POGZ: variants seen among roughly 807,000 people sequenced by gnomAD.
POGZ encodes the protein pogo transposable element with ZNF domain.
Under a neutral mutation model 134.6 loss-of-function variants are expected in POGZ, and 17 were observed. The ratio of observed to expected loss-of-function variants is 0.13; its 90% confidence interval spans 0.09 to 0.19. The LOEUF (loss-of-function observed/expected upper bound fraction) is 0.19. Ranked by LOEUF, POGZ falls within the 10% of genes least tolerant of loss-of-function variation. POGZ has a pLI of 1.00. For missense variants in POGZ, 1,306 were observed against 1,769.7 expected (o/e 0.74, Z 4.70); for synonymous variants, 693 against 657.1 (o/e 1.05, Z -0.84).
chr1:151,455,174 T>C (rs1037513402), intron 1 of POGZ: 1 of 152,120 alleles, frequency 6.6e-6, no homozygotes, highest in Admixed American at 6.5e-5. Context: ...CCAAAGAATC[T>C]ATCAAAATGT....
chr1:151,414,558 G>A (rs781733509), intron 10 of POGZ, among the ~76,000 whole-genome samples: 5 of 152,196 alleles, frequency 3.3e-5, no homozygotes, highest in Non-Finnish European at 7.3e-5. Context: ...CAAGGCAGGC[G>A]GATCACCTGA....
Position 151,415,406 on chromosome 1 carries a change from C to T in POGZ, c.1679-3010G>A, listed in dbSNP as rs567140955. 4.1e-4 allele frequency among the ~76,000 whole-genome samples: 63 copies of T among 152,222 alleles called. No homozygotes were observed. In the South Asian group the frequency reaches 0.013, roughly 31 times the overall value. On this transcript the variant is annotated intron_variant, in intron 10 of 18. Coordinates refer to ENST00000271715, the MANE Select transcript of POGZ (RefSeq NM_015100.4). ...ATGGGCCGGGTGTGGTGGCTCACGC[C>T]TGTAATCCCAGCACTTTGGGAGGCC...
chr1:151,429,629 G>C lies in POGZ; in HGVS notation c.542C>G (p.Thr181Arg). The change falls in exon 5 of 19, where the codon ACG (threonine) becomes AGG (arginine). Residue 181 changes from threonine (T) to arginine (R), a missense_variant. By Grantham distance (71) the Thr-to-Arg change is moderately conservative. Around this residue, in one of 10 missense-constraint regions of POGZ, gnomAD observed 541 missense variants for 680.5 expected, o/e 0.80. Coordinates refer to ENST00000271715, the MANE Select transcript of POGZ (RefSeq NM_015100.4). ...TGGAACTAGTGTAATTGGTCTAACCGTTTGGCCTTGCTGTACGTTCAGCAC... is the reference window on the plus strand; with the variant it reads ...TGGAACTAGTGTAATTGGTCTAACCCTTTGGCCTTGCTGTACGTTCAGCAC... The part of the protein sequence containing the change: ...GIVLNVQQGQ[T>R]VRPITLVPAP... The C allele has an allele frequency of 6.2e-7, 1 of 1,606,216 alleles. No homozygotes were observed. Among genetic ancestry groups the C allele is most frequent in the Non-Finnish European group, 8.5e-7 (1 of 1,173,138 alleles).
At chr1:151,443,898 C>T (rs889292061) in intron 1 of POGZ, among the ~76,000 whole-genome samples, 1 of 152,114 alleles carries the variant, frequency 6.6e-6, no homozygotes, top group Non-Finnish European at 1.5e-5. Flanking sequence ...CTCTAAGTGT[C>T]CTTAGTGTCT....
intron 3 of POGZ, among the ~76,000 whole-genome samples, chr1:151,436,789 T>C (rs1008558494): frequency 3.9e-5 from 6 of 152,268 alleles, no homozygotes; most frequent in Non-Finnish European, 7.3e-5. Flanking sequence ...CTATAACAAA[T>C]GATACTGCTA....
In POGZ at chr1:151,459,407, A is replaced by C. The variant is rs1663245860; in HGVS notation, c.-257T>G. ...CCCGAGGGAGGGGGGTGGGGGGGCC[A>C]AGGAATGCGGCTCCGTGTACGGGAG... On this transcript the variant is annotated 5_prime_UTR_variant, in exon 1 of 19. Coordinates refer to ENST00000271715, the MANE Select transcript of POGZ (RefSeq NM_015100.4). 2 of 151,258 alleles carry C rather than the reference A, an allele frequency of 1.3e-5. No homozygotes were observed. The highest frequency in any genetic ancestry group is 2.0e-4 in the East Asian group (1 of 5,072). 9.4% of individuals were successfully genotyped at this position (151,258 alleles called of 1,614,324 possible).
intron 10 of POGZ, among the ~76,000 whole-genome samples, chr1:151,413,538 A>C (rs1393677041): frequency 6.6e-6 from 1 of 152,192 alleles, no homozygotes; most frequent in Non-Finnish European, 1.5e-5. Context: ...AAGTTTTTGC[A>C]AATATGAAAA....
At chr1:151,455,566 CCA>C (rs1288328238) in intron 1 of POGZ, among the ~76,000 whole-genome samples, 4 of 152,330 alleles carry the variant, frequency 2.6e-5, no homozygotes, top group Non-Finnish European at 4.4e-5. Flanking sequence ...TCCACATTTA[CCA>C]CAAATTTTTA....
In POGZ at chr1:151,403,528, G is replaced by A. The variant is rs1276111068; in HGVS notation, c.*1274C>T. ...TCCTTTTCTCTGTACGGTACAGTAC[G>A]TTTTGGTTTACAACCATGAGTACAT... On this transcript the variant is annotated 3_prime_UTR_variant, in exon 19 of 19. Coordinates refer to ENST00000271715, the MANE Select transcript of POGZ (RefSeq NM_015100.4). 18 of 985,008 alleles carry A rather than the reference G, an allele frequency of 1.8e-5. No individual in the cohort carries two copies. The highest frequency in any genetic ancestry group is 1.2e-4 in the African/African-American group (7 of 57,180). 61.0% of individuals were successfully genotyped at this position (985,008 alleles called of 1,614,324 possible).
chr1:151,416,050 A>C (rs920123515), intron 10 of POGZ, among the ~76,000 whole-genome samples: 1 of 148,080 alleles, frequency 6.8e-6, no homozygotes, highest in Non-Finnish European at 1.5e-5. Flanking sequence ...CCCGCCTCTA[A>C]TACAAAAATT....
At chr1:151,424,465 T>C (rs377314082) in intron 8 of POGZ, 179 bp from the exon 9 acceptor site, 6 of 519,078 alleles carry the variant, frequency 1.2e-5, no homozygotes, top group South Asian at 6.6e-5. Flanking sequence ...TATCCACATA[T>C]GCCACCCAAG....
chr1:151,404,012 G>C lies in POGZ; in HGVS notation c.*790C>G. 1 of 985,336 alleles carries C rather than the reference G, an allele frequency of 1.0e-6. No homozygotes were observed. Among genetic ancestry groups the C allele is most frequent in the Non-Finnish European group, 1.2e-6 (1 of 829,848 alleles). 61.0% of individuals were successfully genotyped at this position (985,336 alleles called of 1,614,324 possible). A position where few individuals can be genotyped will look rare whatever the true frequency, so the allele number is the denominator to read the frequency against. Reference sequence around the variant, plus strand: ...TGTTGAGAATGGGGAAAGGGGCCAAGGATCACAAGTGCAAAAAATATTGTT... The same window carrying C: ...TGTTGAGAATGGGGAAAGGGGCCAACGATCACAAGTGCAAAAAATATTGTT... On this transcript the variant is annotated 3_prime_UTR_variant, in exon 19 of 19. Transcript: ENST00000271715.
chr1:151,447,433 A>G (rs576196240), intron 1 of POGZ, among the ~76,000 whole-genome samples: 11 of 152,062 alleles, frequency 7.2e-5, no homozygotes, highest in Non-Finnish European at 1.3e-4. Flanking sequence ...TTAATATCAA[A>G]TATCTAGTCA....
chr1:151,406,149 A>C lies in POGZ; in HGVS notation c.2886T>G (p.Gly962=). Residue 962 remains glycine (G), a synonymous_variant, in exon 19 of 19, where the codon GGT becomes GGG. Coordinates refer to ENST00000271715, the MANE Select transcript of POGZ (RefSeq NM_015100.4). ...TQEPELASGG[G]GSGGVGKKEQ... ...CCTTTTTGCCAACTCCACCACTACCACCACCACCTGATGCTAGCTCAGGTT... is the reference window on the plus strand; with the variant it reads ...CCTTTTTGCCAACTCCACCACTACCCCCACCACCTGATGCTAGCTCAGGTT... 1.2e-6 allele frequency: 2 copies of C among 1,614,102 alleles called. No individual in the cohort carries two copies. The highest frequency in any genetic ancestry group is 1.7e-6 in the Non-Finnish European group (2 of 1,180,014).
chr1:151,440,513 C>A (rs1404176491), intron 3 of POGZ, among the ~76,000 whole-genome samples: 1 of 152,108 alleles, frequency 6.6e-6, no homozygotes, highest in Non-Finnish European at 1.5e-5. Flanking sequence ...TCCTATCTTC[C>A]ATACTCAGGA....
Position 151,411,662 on chromosome 1 carries a change from T to C in POGZ, c.1889A>G (p.Asn630Ser). 1 of 1,613,014 alleles carries C rather than the reference T, an allele frequency of 6.2e-7. No homozygotes were observed. Residue 630 changes from asparagine to serine, a missense_variant, in exon 12 of 19, where the codon AAT (asparagine) becomes AGT (serine). This residue lies in a region of POGZ where 149 missense variants were observed against 237.5 expected (regional missense o/e 0.63). Transcript: ENST00000271715. ...GTAATGCTGTTGGAATGCATTGCCA[T>C]TTTTGAAGACCTTCAGGCAATAAGG... ...LCPYCLKVFK[N>S]GNAFQQHYMR...
chr1:151,439,508 A>C (rs898375604), intron 3 of POGZ, among the ~76,000 whole-genome samples: 3 of 152,236 alleles, frequency 2.0e-5, no homozygotes, highest in African/African-American at 7.2e-5. Flanking sequence ...AACGTCTATC[A>C]AATTATAAAC....
rs746514487 is a variant in POGZ at position 151,441,001 on chromosome 1, G to A, written c.210C>T (p.Thr70=). 14 of 1,613,764 alleles carry A rather than the reference G, an allele frequency of 8.7e-6. No homozygotes were observed. The highest frequency in any genetic ancestry group is 5.5e-5 in the South Asian group (5 of 91,058). Residue 70 remains threonine, a synonymous_variant, in exon 3 of 19, where the codon ACC becomes ACT. Transcript: ENST00000271715. ...SVAGHLSTST[T]VSSSGAQNSD... is the part of the protein sequence containing the mutation. ...TGTTCTGTGCCCCGCTGCTACTAAC[G>A]GTGGTGGATGTAGAGAGGTGCCCAG...
chr1:151,443,035 A>T (rs1660777072), intron 1 of POGZ, among the ~76,000 whole-genome samples: 1 of 152,146 alleles, frequency 6.6e-6, no homozygotes, highest in Non-Finnish European at 1.5e-5. Flanking sequence ...CAAAAACAAC[A>T]ACAACAACAA....
Sources: allele counts gnomAD v4.1 joint callset (sites outside exome capture counted in the v4.1 genomes callset), GRCh38; gene constraint gnomAD v4.1.1; regional missense constraint gnomAD v4.1.1; transcripts MANE v1.5; gene names NCBI Gene and HGNC (gene_info 2026-07-23, HGNC 2026-07-21).